SLC36A4: variants seen among roughly 807,000 people sequenced by gnomAD.
SLC36A4 encodes neutral amino acid uniporter 4.
SLC36A4 carries 49 observed loss-of-function variants against 50.5 expected under a neutral mutation model. That is an observed-to-expected ratio of 0.97 (90% confidence interval 0.77 to 1.23). The LOEUF (loss-of-function observed/expected upper bound fraction) is 1.23. SLC36A4 is among the 50% of genes most tolerant of loss of function. SLC36A4 has a pLI of 0.00. For missense variants in SLC36A4, 611 were observed against 608.4 expected (o/e 1.00, Z -0.05); for synonymous variants, 207 against 206.5 (o/e 1.00, Z -0.02).
At chr11:93,160,204 T>C (rs1860556722) in intron 9 of SLC36A4, 1 of 985,332 alleles carries the variant, frequency 1.0e-6, no homozygotes, top group Non-Finnish European at 1.2e-6. Flanking sequence ...GTCCCACAAC[T>C]GCAGAGTCCA....
intron 9 of SLC36A4, among the ~76,000 whole-genome samples, chr11:93,155,781 G>A (rs889064533): frequency 3.9e-5 from 6 of 151,900 alleles, no homozygotes; most frequent in African/African-American, 7.3e-5. Flanking sequence ...CCATGTGTCC[G>A]CGTTTTCATC....
At chr11:93,170,607 T>C (rs2134665642) in intron 6 of SLC36A4, among the ~76,000 whole-genome samples, 1 of 152,240 alleles carries the variant, frequency 6.6e-6, no homozygotes, top group African/African-American at 2.4e-5. Context: ...TATCTTCTGA[T>C]TCTACAATCA....
intron 1 of SLC36A4, among the ~76,000 whole-genome samples, chr11:93,189,180 C>A (rs1310225851): frequency 6.6e-6 from 1 of 151,958 alleles, no homozygotes; most frequent in African/African-American, 2.4e-5. Context: ...TCTCCTGCCT[C>A]AGCCTCCAGA....
chr11:93,187,456 T>C (rs954980807), intron 1 of SLC36A4, among the ~76,000 whole-genome samples: 3 of 152,232 alleles, frequency 2.0e-5, no homozygotes, highest in African/African-American at 7.2e-5. Flanking sequence ...TTCAATTACA[T>C]GCATGTTGGG....
chr11:93,154,476 A>T, intron 9 of SLC36A4, 199 bp from the exon 10 acceptor site: 1 of 283,876 alleles, frequency 3.5e-6, no homozygotes. Context: ...ATTCATTTTC[A>T]CAAGACTGGA....
chr11:93,162,942 T>C (rs373849952), intron 8 of SLC36A4, 67 bp from the exon 9 acceptor site: 2 of 1,461,410 alleles, frequency 1.4e-6, no homozygotes, highest in Non-Finnish European at 9.3e-7. Flanking sequence ...GTGTCTCTTA[T>C]ACATACAAAT....
intron 9 of SLC36A4, 80 bp downstream of exon 9, chr11:93,162,626 C>T: frequency 8.2e-7 from 1 of 1,221,462 alleles, no homozygotes; most frequent in Non-Finnish European, 1.1e-6. Flanking sequence ...AACCATAAAT[C>T]CAAGAACACG....
chr11:93,161,515 C>T (rs960092069), intron 9 of SLC36A4, among the ~76,000 whole-genome samples: 2 of 152,210 alleles, frequency 1.3e-5, no homozygotes, highest in African/African-American at 2.4e-5. Flanking sequence ...GGTCCATTTG[C>T]TCTGTCATAA....
chr11:93,178,471 T>G (rs780126410), intron 6 of SLC36A4, among the ~76,000 whole-genome samples: 2 of 152,198 alleles, frequency 1.3e-5, no homozygotes, highest in African/African-American at 4.8e-5. Context: ...GTCTTCTGTG[T>G]CGCTCAAGCT....
At chr11:93,162,558 C>A in intron 9 of SLC36A4, 148 bp downstream of exon 9, 1 of 650,746 alleles carries the variant, frequency 1.5e-6, no homozygotes, top group Non-Finnish European at 2.5e-6. Flanking sequence ...ATCCGCCCAC[C>A]TCTGCCTCCC....
At chr11:93,177,429 G>A (rs566852560) in intron 6 of SLC36A4, among the ~76,000 whole-genome samples, 119 of 152,276 alleles carry the variant, frequency 7.8e-4, no homozygotes, top group African/African-American at 2.7e-3. Flanking sequence ...TGTTACTACC[G>A]ATCGTCTGAA....
At chr11:93,188,747 T>C (rs1862092965) in intron 1 of SLC36A4, among the ~76,000 whole-genome samples, 1 of 152,220 alleles carries the variant, frequency 6.6e-6, no homozygotes, top group Admixed American at 6.5e-5. Flanking sequence ...TTATACTCTA[T>C]ACAAAATACA....
At chr11:93,167,108 C>T (rs1270450601) in intron 7 of SLC36A4, 1 of 152,076 alleles carries the variant, frequency 6.6e-6, no homozygotes, top group African/African-American at 2.4e-5. Flanking sequence ...TTTCCTCCCA[C>T]TCAGTGCTAT....
rs1862486645 is a variant in SLC36A4, at chr11:93,197,689, C to T, written c.55+89G>A. ...ATCGGGCCTCAACTCAGGCCAAGCG[C>T]GGGGCCCCTGGAGGTGTGGGCGCAC... On this transcript the variant is annotated intron_variant, in intron 1 of 10. Coordinates refer to ENST00000326402, the MANE Select transcript of SLC36A4 (RefSeq NM_152313.4). The T allele has an allele frequency of 5.0e-6, 7 of 1,410,228 alleles. No homozygotes were observed. In the South Asian group the frequency reaches 7.5e-5, roughly 15 times the overall value. The allele number at this position is 1,410,228 out of a possible 1,614,324, so 87.4% of individuals were successfully genotyped here. A position where few individuals can be genotyped will look rare whatever the true frequency, so the allele number is the denominator to read the frequency against.
chr11:93,173,043 C>A (rs1401723344), intron 6 of SLC36A4, among the ~76,000 whole-genome samples: 1 of 134,796 alleles, frequency 7.4e-6, no homozygotes, highest in African/African-American at 2.8e-5. Context: ...AATGGTTGAA[C>A]TAGTTTACAG....
intron 6 of SLC36A4, chr11:93,180,159 T>C: frequency 1.0e-6 from 1 of 979,238 alleles, no homozygotes; most frequent in Non-Finnish European, 1.2e-6. Flanking sequence ...GAGCAGGGGA[T>C]AATGTAGGAA....
rs749682086 is a variant in SLC36A4, at chr11:93,197,884, T to A, written c.-52A>T. On this transcript the variant is annotated 5_prime_UTR_variant, in exon 1 of 11. Transcript: ENST00000326402. ...GCCCGAGTGCTCACTCTCCCGCCGC[T>A]GCGTGGCCGGCGTCAGGCCCAGGCC... 6.7e-7 allele frequency: 1 copy of A among 1,498,662 alleles called. No individual in the cohort carries two copies. The highest frequency in any genetic ancestry group is 1.3e-5 in the South Asian group (1 of 79,526). The allele number at this position is 1,498,662 out of a possible 1,614,324, so 92.8% of individuals were successfully genotyped here. A position where few individuals can be genotyped will look rare whatever the true frequency, so the allele number is the denominator to read the frequency against.
At chr11:93,173,789 C>A (rs894389161) in intron 6 of SLC36A4, among the ~76,000 whole-genome samples, 2 of 106,244 alleles carry the variant, frequency 1.9e-5, no homozygotes, top group African/African-American at 3.6e-5. Context: ...GGGCTCTGTT[C>A]TGTTCCATTG....
intron 8 of SLC36A4, among the ~76,000 whole-genome samples, chr11:93,165,474 A>C (rs1860817717): frequency 6.6e-6 from 1 of 152,168 alleles, no homozygotes. Context: ...TTCTGCAACT[A>C]TTCTGATTAC....
Sources: allele counts gnomAD v4.1 joint callset (sites outside exome capture counted in the v4.1 genomes callset), GRCh38; gene constraint gnomAD v4.1.1; transcripts MANE v1.5; gene names NCBI Gene and HGNC (gene_info 2026-07-23, HGNC 2026-07-21).